DNAAF5: variants seen among roughly 807,000 people sequenced by gnomAD.
The protein encoded by DNAAF5 is HEAT repeat containing 2.
Under a neutral mutation model 75.8 loss-of-function variants are expected in DNAAF5, and 64 were observed. That is an observed-to-expected ratio of 0.84 (90% CI 0.69 to 1.04). The LOEUF (loss-of-function observed/expected upper bound fraction) is 1.04. Among genes scored for constraint, DNAAF5 ranks in the 50% least tolerant of loss-of-function variants. The probability of loss-of-function intolerance (pLI) is 0.00; values close to 1 mark genes in which losing one functional copy is unlikely to be tolerated. For missense variants in DNAAF5, 1,269 were observed against 1,178.5 expected (o/e 1.08, Z -1.12); for synonymous variants, 657 against 557.2 (o/e 1.18, Z -2.52).
In DNAAF5 at chr7:754,840, G is replaced by T. The variant is rs371368276; in HGVS notation, c.1257+19G>T. ...CCAAAGTGTAAGTGGCCGTATTCCA[G>T]TCGTGGTCGCGGAGCTGTAACTCGA... On this transcript the variant is annotated intron_variant, in intron 5 of 12. Transcript: ENST00000297440. The surrounding 1 kb of genome is among the most constrained non-coding windows in gnomAD (Gnocchi z 4.8). The T allele has an allele frequency of 9.6e-5, 149 of 1,552,912 alleles. No homozygotes were observed. The African/African-American group carries it at 1.8e-3, about 19-fold the overall frequency.
At chr7:772,866 C>G (rs1012034250) in intron 9 of DNAAF5, 5 of 151,972 alleles carry the variant, frequency 3.3e-5, no homozygotes, top group African/African-American at 1.2e-4. Flanking sequence ...AGGAACGTGC[C>G]TCATTCAGTG....
chr7:727,275 G>C lies in DNAAF5; in HGVS notation c.555G>C (p.Glu185Asp). The change falls in exon 1 of 13, where the codon GAG (glutamate) becomes GAC (aspartate). Residue 185 changes from glutamate to aspartate, a missense_variant. By Grantham distance (45) the Glu-to-Asp change is conservative (BLOSUM62 2). Transcript: ENST00000297440. ...ACCCCTTCGCCGCCGTGCGCCGCGAGAGCTGCAGCTGCGCCGCCGCCCTGG... is the reference window on the plus strand; with the variant it reads ...ACCCCTTCGCCGCCGTGCGCCGCGACAGCTGCAGCTGCGCCGCCGCCCTGG... ...LLDPFAAVRR[E>D]SCSCAAALAQ... 3 of 1,319,694 alleles carry C rather than the reference G, an allele frequency of 2.3e-6. No individual in the cohort carries two copies. Among genetic ancestry groups the C allele is most frequent in the Non-Finnish European group, 2.9e-6 (3 of 1,038,754 alleles). 81.7% of individuals were successfully genotyped at this position (1,319,694 alleles called of 1,614,324 possible).
intron 2 of DNAAF5, among the ~76,000 whole-genome samples, chr7:732,008 T>C (rs555490814): frequency 1.3e-5 from 2 of 152,256 alleles, no homozygotes; most frequent in Non-Finnish European, 2.9e-5. Flanking sequence ...TAGGAAACCT[T>C]CCAGCAGCCT....
At chr7:736,762 G>A (rs77052714) in intron 2 of DNAAF5, among the ~76,000 whole-genome samples, 20 of 152,096 alleles carry the variant, frequency 1.3e-4, no homozygotes, top group East Asian at 1.9e-4. Context: ...TGGTTGTTTC[G>A]TGGTCTGCTC....
intron 7 of DNAAF5, 151 bp from the exon 8 acceptor site, chr7:763,655 G>A (rs1327420105): frequency 8.4e-6 from 7 of 831,110 alleles, no homozygotes; most frequent in South Asian, 3.3e-5. Flanking sequence ...CACCCTGGGC[G>A]GGGCTCCCTG....
chr7:779,766 AG>A, intron 11 of DNAAF5, 186 bp from the exon 12 acceptor site: 2 of 583,302 alleles, frequency 3.4e-6, no homozygotes, highest in Non-Finnish European at 6.1e-6. Context: ...GCTGGGGTTC[AG>A]GGGTCCCAGG....
At chr7:748,523 C>T (rs576752120) in intron 4 of DNAAF5, among the ~76,000 whole-genome samples, 2 of 152,284 alleles carry the variant, frequency 1.3e-5, no homozygotes, top group Admixed American at 6.5e-5. Flanking sequence ...ATGCAGGTCC[C>T]TCATCAGACT....
chr7:739,716 C>T (rs918606512), intron 2 of DNAAF5, among the ~76,000 whole-genome samples: 3 of 152,212 alleles, frequency 2.0e-5, no homozygotes, highest in Non-Finnish European at 4.4e-5. Context: ...TCATTCTTTC[C>T]CATCTTCCAG....
intron 12 of DNAAF5, among the ~76,000 whole-genome samples, chr7:782,697 C>G (rs1260206646): frequency 1.2e-4 from 13 of 106,540 alleles, no homozygotes; most frequent in African/African-American, 4.8e-4. Context: ...CCTCCCGTCA[C>G]GCAGCGTCAG....
intron 4 of DNAAF5, among the ~76,000 whole-genome samples, chr7:745,705 A>G (rs1188879585): frequency 2.0e-5 from 3 of 152,242 alleles, no homozygotes; most frequent in Non-Finnish European, 2.9e-5. Context: ...ACACGTGTGT[A>G]CATGCATATC....
Position 735,480 on chromosome 7 carries a change from C to T in DNAAF5, c.781-5339C>T, listed in dbSNP as rs117009289. Reference sequence around the variant, plus strand: ...TGTAGCTGCTCCCGGTGTAGCTGCTCATGGTGTCGTTGCTCATATTGTAGT... The same window carrying T: ...TGTAGCTGCTCCCGGTGTAGCTGCTTATGGTGTCGTTGCTCATATTGTAGT... On this transcript the variant is annotated intron_variant, in intron 2 of 12. Coordinates refer to ENST00000297440, the MANE Select transcript of DNAAF5 (RefSeq NM_017802.4). Among the ~76,000 whole-genome samples, 350 of 151,198 alleles carry T rather than the reference C, an allele frequency of 2.3e-3. 12 individuals are homozygous for T. The East Asian group carries it at 0.06, about 26-fold the overall frequency.
intron 4 of DNAAF5, 140 bp downstream of exon 4, chr7:741,605 ACTGGGCTGGGGCTCCTGCATCCTG>A: frequency 1.6e-6 from 1 of 608,412 alleles, no homozygotes; most frequent in Non-Finnish European, 2.9e-6. Flanking sequence ...GCGTCTCCCC[ACTGGGCTGGGGCTCCTGCATCCTG>A]GGCAGAGCAC....
At chr7:765,077 C>T (rs1782779147) in intron 8 of DNAAF5, among the ~76,000 whole-genome samples, 1 of 152,194 alleles carries the variant, frequency 6.6e-6, no homozygotes, top group African/African-American at 2.4e-5. Flanking sequence ...GCTGTGACTG[C>T]ACTGCTGCAC....
intron 8 of DNAAF5, among the ~76,000 whole-genome samples, chr7:769,784 C>T (rs1177298215): frequency 6.6e-6 from 1 of 151,998 alleles, no homozygotes; most frequent in African/African-American, 2.4e-5. Flanking sequence ...GGATTACAGG[C>T]GCCCACCACC....
intron 12 of DNAAF5, among the ~76,000 whole-genome samples, chr7:782,572 C>T (rs1327194911): frequency 6.7e-6 from 1 of 148,946 alleles, no homozygotes; most frequent in Non-Finnish European, 1.5e-5. Flanking sequence ...GCGTCAGAAA[C>T]TCGGATCTTC....
At chr7:755,476 C>T (rs1390767217) in intron 5 of DNAAF5, among the ~76,000 whole-genome samples, 1 of 152,228 alleles carries the variant, frequency 6.6e-6, no homozygotes, top group Non-Finnish European at 1.5e-5. Context: ...ACAACTAAAG[C>T]TTTGACTTGA....
At chr7:755,052 C>T (rs1275230435) in intron 5 of DNAAF5, among the ~76,000 whole-genome samples, 1 of 152,208 alleles carries the variant, frequency 6.6e-6, no homozygotes, top group Non-Finnish European at 1.5e-5. Flanking sequence ...CAAGCACACT[C>T]GGGGGTGCAG....
intron 2 of DNAAF5, among the ~76,000 whole-genome samples, chr7:737,855 G>C (rs543807680): frequency 6.6e-6 from 1 of 152,250 alleles, no homozygotes; most frequent in East Asian, 1.9e-4. Flanking sequence ...CTTCATCTTT[G>C]ATCTTTGGGA....
In DNAAF5 at chr7:769,103, G is replaced by A. The variant is rs766970302; in HGVS notation, c.1784-1368G>A. 46 of 746,328 alleles carry A rather than the reference G, an allele frequency of 6.2e-5. No homozygotes were observed. The South Asian group carries it at 6.4e-4, about 10-fold the overall frequency. 46.2% of individuals were successfully genotyped at this position (746,328 alleles called of 1,614,324 possible). A position where few individuals can be genotyped will look rare whatever the true frequency, so the allele number is the denominator to read the frequency against. On this transcript the variant is annotated intron_variant, in intron 8 of 12. Coordinates refer to ENST00000297440, the MANE Select transcript of DNAAF5 (RefSeq NM_017802.4). Reference sequence around the variant, plus strand: ...AGTACATTGCGTCTCCGTGTGGCAAGGGCAGGTGCGGGGGTCTCAGTCCAC... The same window carrying A: ...AGTACATTGCGTCTCCGTGTGGCAAAGGCAGGTGCGGGGGTCTCAGTCCAC...
Sources: gnomAD v4.1 joint callset for allele counts (sites outside exome capture counted in the v4.1 genomes callset) on GRCh38, gnomAD v4.1.1 for gene constraint, Gnocchi (gnomAD v3.1) non-coding constraint, MANE v1.5 for transcripts, NCBI Gene and HGNC (gene_info 2026-07-23, HGNC 2026-07-21) for gene names.